TCF4: variants seen among roughly 807,000 people sequenced by gnomAD.
TCF4 encodes transcription factor 4, also known as SL3-3 enhancer factor 2.
Under a neutral mutation model 82.1 loss-of-function variants are expected in TCF4, and 3 were observed. That is an observed-to-expected ratio of 0.04 (90% CI 0.02 to 0.09). The LOEUF is 0.09. TCF4 is among the 10% of genes least tolerant of loss of function. The probability of loss-of-function intolerance (pLI) is 1.00; values close to 1 mark genes in which losing one functional copy is unlikely to be tolerated. For synonymous variants in TCF4, 276 were observed against 309.6 expected (o/e 0.89, Z 1.14); for missense variants, 518 against 852.7 (o/e 0.61, Z 4.89).
At chr18:55,390,223 G>A (rs1396058741) in intron 6 of TCF4, among the ~76,000 whole-genome samples, 2 of 150,530 alleles carry the variant, frequency 1.3e-5, no homozygotes, top group African/African-American at 4.9e-5. Flanking sequence ...AGGCCAAGGT[G>A]GGAGGATCAC....
At chr18:55,489,955 GCA>G (rs1382526493) in intron 3 of TCF4, among the ~76,000 whole-genome samples, 5 of 152,210 alleles carry the variant, frequency 3.3e-5, no homozygotes, top group Non-Finnish European at 7.3e-5. Flanking sequence ...CATTATTTGA[GCA>G]CACAGTGCCA....
At chr18:55,538,209 C>A (rs998184597) in intron 3 of TCF4, among the ~76,000 whole-genome samples, 1 of 152,028 alleles carries the variant, frequency 6.6e-6, no homozygotes, top group African/African-American at 2.4e-5. Context: ...ATAATAAAAT[C>A]AATGTGAAAT....
intron 10 of TCF4, among the ~76,000 whole-genome samples, chr18:55,271,737 T>C (rs2060421923): frequency 6.6e-6 from 1 of 152,216 alleles, no homozygotes; most frequent in African/African-American, 2.4e-5. Context: ...AGGTAGTCCA[T>C]GGAATTTTCT....
At chr18:55,399,902 A>T (rs1399563771) in intron 6 of TCF4, among the ~76,000 whole-genome samples, 6 of 149,832 alleles carry the variant, frequency 4.0e-5, no homozygotes, top group Non-Finnish European at 8.9e-5. Context: ...ACACACACAC[A>T]CACACACACA....
At chr18:55,246,458 T>A (rs1439977553) in intron 15 of TCF4, among the ~76,000 whole-genome samples, 3 of 152,074 alleles carry the variant, frequency 2.0e-5, no homozygotes, top group Non-Finnish European at 4.4e-5. Context: ...AAATATGTAT[T>A]CATGTGGAGA....
chr18:55,476,112 AT>A lies in TCF4; in HGVS notation c.146-11976del, dbSNP rs2096282209. On this transcript the variant is annotated intron_variant, in intron 3 of 19. Coordinates refer to ENST00000354452, the MANE Select transcript of TCF4 (RefSeq NM_001083962.2). ...AGAGGCACTTCCCAATTAAATTCAA[AT>A]GCAGAGACAAGCATACTCATGACAC... 3.9e-5 allele frequency among the ~76,000 whole-genome samples: 6 copies of A among 152,332 alleles called. No individual in the cohort carries two copies. The East Asian group carries it at 1.2e-3, about 29-fold the overall frequency.
In TCF4 at chr18:55,225,326, A is replaced by G. The variant is rs1672723281; in HGVS notation, c.*2709T>C. On this transcript the variant is annotated 3_prime_UTR_variant, in exon 20 of 20. Transcript: ENST00000354452. Reference sequence around the variant, plus strand: ...TAAAGCACCAATTTAAAAAATAATCAAATGACTACAATTTACTTTTTTGCT... The same window carrying G: ...TAAAGCACCAATTTAAAAAATAATCGAATGACTACAATTTACTTTTTTGCT... 1 of 152,180 alleles carries G rather than the reference A, an allele frequency of 6.6e-6. No homozygotes were observed. The highest frequency in any genetic ancestry group is 2.1e-4 in the South Asian group (1 of 4,828). The allele number at this position is 152,180 out of a possible 1,614,324, so 9.4% of individuals were successfully genotyped here.
intron 15 of TCF4, among the ~76,000 whole-genome samples, chr18:55,243,584 C>T (rs1042564579): frequency 7.1e-6 from 1 of 141,420 alleles, no homozygotes; most frequent in African/African-American, 2.5e-5. Flanking sequence ...ATATCCAACT[C>T]GTTTTTTGTT....
intron 6 of TCF4, among the ~76,000 whole-genome samples, chr18:55,371,296 C>T (rs1265299674): frequency 6.6e-6 from 1 of 152,152 alleles, no homozygotes; most frequent in Non-Finnish European, 1.5e-5. Flanking sequence ...CTAAAATAAT[C>T]TGGATGAGGG....
At chr18:55,288,973 ACTT>A (rs1046723545) in intron 8 of TCF4, among the ~76,000 whole-genome samples, 8 of 152,190 alleles carry the variant, frequency 5.3e-5, no homozygotes, top group African/African-American at 1.9e-4. Flanking sequence ...GGCTCCAAAT[ACTT>A]CTTTATATTT....
chr18:55,370,587 C>A (rs1206754247), intron 6 of TCF4, among the ~76,000 whole-genome samples: 2 of 152,114 alleles, frequency 1.3e-5, no homozygotes, highest in Non-Finnish European at 2.9e-5. Flanking sequence ...AAATGGGCCG[C>A]TCACCATGGC....
At chr18:55,417,052 C>A (rs1298519010) in intron 5 of TCF4, among the ~76,000 whole-genome samples, 2 of 152,206 alleles carry the variant, frequency 1.3e-5, no homozygotes, top group African/African-American at 4.8e-5. Context: ...CATATGGCAT[C>A]AGAGCAGGCC....
intron 3 of TCF4, among the ~76,000 whole-genome samples, chr18:55,466,915 C>T (rs1391997912): frequency 6.6e-6 from 1 of 152,174 alleles, no homozygotes; most frequent in African/African-American, 2.4e-5. Flanking sequence ...AGATTCCTGA[C>T]CAATCGGATC....
intron 3 of TCF4, among the ~76,000 whole-genome samples, chr18:55,517,338 C>T (rs2096892918): frequency 6.6e-6 from 1 of 152,156 alleles, no homozygotes; most frequent in Admixed American, 6.6e-5. Context: ...CCACATGGAA[C>T]AGAAGTGAGC....
At chr18:55,259,666 TG>T in intron 13 of TCF4, 1 of 371,990 alleles carries the variant, frequency 2.7e-6, no homozygotes, top group Non-Finnish European at 4.9e-6. Flanking sequence ...ATTCTGCCGT[TG>T]GGTGTCTTCT....
chr18:55,340,182 A>G (rs1295726984), intron 8 of TCF4, among the ~76,000 whole-genome samples: 1 of 152,142 alleles, frequency 6.6e-6, no homozygotes, highest in African/African-American at 2.4e-5. Flanking sequence ...TCTCCTTATC[A>G]CTTAGAGGCA....
chr18:55,457,678 G>C (rs1488284369), intron 5 of TCF4, among the ~76,000 whole-genome samples: 1 of 151,978 alleles, frequency 6.6e-6, no homozygotes, highest in African/African-American at 2.4e-5. Context: ...GTAGAGATGA[G>C]GTTTCACCAT....
intron 6 of TCF4, among the ~76,000 whole-genome samples, chr18:55,398,905 A>G (rs1378831255): frequency 6.6e-6 from 1 of 152,236 alleles, no homozygotes; most frequent in Non-Finnish European, 1.5e-5. Flanking sequence ...CGATGAAGAC[A>G]GGTGCTAAGG....
chr18:55,260,129 A>T, intron 12 of TCF4, 102 bp from the exon 13 acceptor site: 1 of 845,658 alleles, frequency 1.2e-6, no homozygotes, highest in Non-Finnish European at 2.0e-6. Context: ...AGAACTTACA[A>T]GTTACAGCAT....
Sources: allele counts gnomAD v4.1 joint callset (sites outside exome capture counted in the v4.1 genomes callset), GRCh38; gene constraint gnomAD v4.1.1; transcripts MANE v1.5; gene names NCBI Gene and HGNC (gene_info 2026-07-23, HGNC 2026-07-21).